Variants in FARP1 observed in about 807,000 individuals in gnomAD.
FARP1 encodes FERM, ARH/RhoGEF and pleckstrin domain protein 1.
A neutral mutation model predicts 128.8 loss-of-function variants in FARP1; 52 were observed. The observed-to-expected ratio is 0.40, with a 90% CI of 0.32 to 0.51. FARP1 has a LOEUF of 0.51. Among genes scored for constraint, FARP1 ranks in the 20% least tolerant of loss-of-function variants. The pLI is 0.45. For synonymous variants in FARP1, 580 were observed against 551.8 expected (o/e 1.05, Z -0.72); for missense variants, 1,333 against 1,367.9 (o/e 0.97, Z 0.40).
chr13:98,177,282 C>T (rs765130665), intron 1 of FARP1: 3 of 1,466,932 alleles, frequency 2.0e-6, no homozygotes, highest in East Asian at 2.3e-5. Flanking sequence ...GTCACCCTTG[C>T]GTCGCCCTTG....
intron 1 of FARP1, among the ~76,000 whole-genome samples, chr13:98,186,136 C>T (rs767978230): frequency 2.0e-5 from 3 of 151,666 alleles, no homozygotes; most frequent in Admixed American, 6.6e-5. Flanking sequence ...GAGTTTCGCT[C>T]TTGTTGCCCA....
Position 98,435,682 on chromosome 13 carries a change from T to C in FARP1, c.2250T>C (p.Ile750=), listed in dbSNP as rs756071496. ...AACTCAAGAAAGATTTGATTGGCAT[T>C]GACAATCTTGTGGTTCCGGGAAGGG... ...LHELKKDLIG[I]DNLVVPGREF... The change falls in exon 19 of 27, where the codon ATT becomes ATC. Residue 750 remains isoleucine (I), a synonymous_variant. Transcript: ENST00000319562. 1.2e-6 allele frequency: 2 copies of C among 1,614,058 alleles called. No individual in the cohort carries two copies. The highest frequency in any genetic ancestry group is 2.7e-5 in the African/African-American group (2 of 74,936).
chr13:98,403,139 T>C (rs1228110743), intron 13 of FARP1: 1 of 151,924 alleles, frequency 6.6e-6, no homozygotes, highest in Admixed American at 6.6e-5. Flanking sequence ...GGAATACCTC[T>C]TTCCTCTAGA....
At position 98,326,105 on chromosome 13, in the gene FARP1, C is replaced by T. The variant is rs575280007; in HGVS notation, c.172-17657C>T. 4.6e-5 allele frequency among the ~76,000 whole-genome samples: 7 copies of T among 152,290 alleles called. No homozygotes were observed. The East Asian group carries it at 9.7e-4, about 21-fold the overall frequency. On this transcript the variant is annotated intron_variant, in intron 2 of 26. Coordinates refer to ENST00000319562, the MANE Select transcript of FARP1 (RefSeq NM_005766.4). ...TCAAACATAAAGACACAAATGGCTT[C>T]GTCTGCTTGGTAATGAATAAACATA...
Position 98,446,125 on chromosome 13 carries a change from A to C in FARP1, c.2824A>C (p.Lys942Gln). The C allele has an allele frequency of 6.2e-7, 1 of 1,614,032 alleles. No homozygotes were observed. The highest frequency in any genetic ancestry group is 1.3e-5 in the African/African-American group (1 of 75,074). The change falls in exon 25 of 27, where the codon AAA becomes CAA. Residue 942 changes from lysine to glutamine, a missense_variant. Lys to Gln is a moderately conservative substitution (Grantham distance 53, BLOSUM62 1). Around this residue, in one of 2 missense-constraint regions of FARP1, gnomAD observed 1,009 missense variants for 969.8 expected, o/e 1.04. Transcript: ENST00000319562. Reference sequence around the variant, plus strand: ...TCAGTTGTCTGGAAACCTGCTGAGGAAATTCAAAAACAGCAACGGGTGGCA... The same window carrying C: ...TCAGTTGTCTGGAAACCTGCTGAGGCAATTCAAAAACAGCAACGGGTGGCA... ...ENQLSGNLLR[K>Q]FKNSNGWQKL... is the part of the protein sequence containing the mutation.
At chr13:98,243,374 C>A (rs1293342215) in intron 2 of FARP1, among the ~76,000 whole-genome samples, 3 of 152,054 alleles carry the variant, frequency 2.0e-5, no homozygotes, top group African/African-American at 4.8e-5. Context: ...AGAGAGACTT[C>A]TTTTTCTTCT....
chr13:98,259,446 C>A (rs1883767968), intron 2 of FARP1, among the ~76,000 whole-genome samples: 1 of 150,824 alleles, frequency 6.6e-6, no homozygotes, highest in Non-Finnish European at 1.5e-5. Context: ...TCACTTGGGG[C>A]TTAAGTGCAG....
At position 98,451,079 on chromosome 13, in the gene FARP1, G is replaced by A. The variant is rs1439201944; in HGVS notation, c.*2762G>A. ...AGTATTCATTAGAACCCAGTCCCTC[G>A]AGCGGCTCACCCACTGTTACTAGCA... is the stretch of plus-strand genomic sequence containing the variant. On this transcript the variant is annotated 3_prime_UTR_variant, in exon 27 of 27. Transcript: ENST00000319562. 2 of 152,154 alleles carry A rather than the reference G, an allele frequency of 1.3e-5. No individual in the cohort carries two copies. Among genetic ancestry groups the A allele is most frequent in the African/African-American group, 4.8e-5 (2 of 41,418 alleles). 9.4% of individuals were successfully genotyped at this position (152,154 alleles called of 1,614,324 possible). A position where few individuals can be genotyped will look rare whatever the true frequency, so the allele number is the denominator to read the frequency against.
At chr13:98,177,273 T>C in intron 1 of FARP1, 1 of 1,496,654 alleles carries the variant, frequency 6.7e-7, no homozygotes, top group Non-Finnish European at 9.0e-7. Flanking sequence ...GTGGCGTGCG[T>C]CACCCTTGCG....
At chr13:98,197,881 C>T (rs1033371331) in intron 1 of FARP1, among the ~76,000 whole-genome samples, 11 of 151,940 alleles carry the variant, frequency 7.2e-5, no homozygotes, top group Non-Finnish European at 1.6e-4. Context: ...GTGATCCGTT[C>T]GCCTCGTCCT....
At chr13:98,153,314 A>AAT (rs1429080329) in intron 1 of FARP1, among the ~76,000 whole-genome samples, 2 of 38,638 alleles carry the variant, frequency 5.2e-5, no homozygotes, top group Non-Finnish European at 6.7e-5. Context: ...TTATATATAA[A>AAT]ATATATAAAT....
chr13:98,338,431 C>G (rs1476307764), intron 2 of FARP1: 1 of 152,158 alleles, frequency 6.6e-6, no homozygotes, highest in Non-Finnish European at 1.5e-5. Flanking sequence ...TGATGACTGG[C>G]TTATTTCACT....
chr13:98,157,973 C>G (rs1204758531), intron 1 of FARP1, among the ~76,000 whole-genome samples: 1 of 152,226 alleles, frequency 6.6e-6, no homozygotes, highest in Non-Finnish European at 1.5e-5. Context: ...CCTCCTGTGG[C>G]TGGGAGGTCA....
chr13:98,417,261 A>C (rs970225633), intron 16 of FARP1, among the ~76,000 whole-genome samples: 2 of 152,112 alleles, frequency 1.3e-5, no homozygotes, highest in Non-Finnish European at 2.9e-5. Flanking sequence ...CTTTGGAAAG[A>C]AATGAGGCAG....
chr13:98,242,363 T>C (rs1882819791), intron 2 of FARP1, among the ~76,000 whole-genome samples: 1 of 152,202 alleles, frequency 6.6e-6, no homozygotes, highest in Non-Finnish European at 1.5e-5. Flanking sequence ...GGGATCATTT[T>C]TCATCCTAAA....
chr13:98,272,161 C>T (rs1182620149), intron 2 of FARP1, among the ~76,000 whole-genome samples: 3 of 152,052 alleles, frequency 2.0e-5, no homozygotes, highest in Non-Finnish European at 4.4e-5. Flanking sequence ...TCCCAAGTAC[C>T]TGGGATTATA....
intron 24 of FARP1, among the ~76,000 whole-genome samples, chr13:98,441,345 A>C (rs189014302): frequency 1.1e-3 from 160 of 152,332 alleles, no homozygotes; most frequent in African/African-American, 3.6e-3. Context: ...GAAAAGCATG[A>C]CCAGTTTATT....
rs546631059 is a variant in FARP1 at position 98,151,178 on chromosome 13, T to A, written c.-24+7686T>A. On this transcript the variant is annotated intron_variant, in intron 1 of 26. Coordinates refer to ENST00000319562, the MANE Select transcript of FARP1 (RefSeq NM_005766.4). ...GATATTTTGAGAGATCACATTCACA[T>A]AACTTTTATTACAGTGTATTGTCCC... 1.1e-4 allele frequency among the ~76,000 whole-genome samples: 16 copies of A among 152,278 alleles called. No homozygotes were observed. The East Asian group carries it at 2.7e-3, about 26-fold the overall frequency.
chr13:98,162,479 C>A lies in FARP1; in HGVS notation c.-24+18987C>A, dbSNP rs114790631. 5.3e-3 allele frequency among the ~76,000 whole-genome samples: 813 copies of A among 152,290 alleles called. 8 individuals are homozygous for A. The highest frequency in any genetic ancestry group is 0.019 in the African/African-American group (777 of 41,560). Reference sequence around the variant, plus strand: ...GGCCTGTAGTAGGTGCTCATTAAATCTTTGTTGAAGAAACCCCTCTTGGGG... The same window carrying A: ...GGCCTGTAGTAGGTGCTCATTAAATATTTGTTGAAGAAACCCCTCTTGGGG... On this transcript the variant is annotated intron_variant, in intron 1 of 26. Transcript: ENST00000319562.
Sources: gnomAD v4.1 joint callset for allele counts (sites outside exome capture counted in the v4.1 genomes callset) on GRCh38, gnomAD v4.1.1 for gene constraint, gnomAD v4.1.1 regional missense constraint, MANE v1.5 for transcripts, NCBI Gene and HGNC (gene_info 2026-07-23, HGNC 2026-07-21) for gene names.